Variants in USH2A observed in about 807,000 individuals in gnomAD.
The protein encoded by USH2A is Usher syndrome 2A (autosomal recessive, mild).
In USH2A, 443 loss-of-function variants were observed where a neutral mutation model predicts 538.9. That is an observed-to-expected ratio of 0.82 (90% CI 0.76 to 0.89). The LOEUF (loss-of-function observed/expected upper bound fraction) is 0.89, where lower values mean the gene tolerates loss of function less well. Among genes scored for constraint, USH2A ranks in the 40% least tolerant of loss-of-function variants. USH2A has a pLI of 0.00. For synonymous variants in USH2A, 2,413 were observed against 2,273.5 expected (o/e 1.06, Z -1.75); for missense variants, 6,633 against 6,324.8 (o/e 1.05, Z -1.65).
chr1:216,324,450 C>A, intron 6 of USH2A, 98 bp from the exon 7 acceptor site: 1 of 1,156,034 alleles, frequency 8.7e-7, no homozygotes, highest in Non-Finnish European at 1.2e-6. Context: ...TATTGGCTCA[C>A]TTCATCATAA....
At chr1:215,859,950 C>T (rs1456894045) in intron 44 of USH2A, among the ~76,000 whole-genome samples, 1 of 152,110 alleles carries the variant, frequency 6.6e-6, no homozygotes, top group Non-Finnish European at 1.5e-5. Context: ...TGCATGGGGC[C>T]AGATTCTCAT....
At chr1:215,938,466 G>A (rs1335795140) in intron 37 of USH2A, among the ~76,000 whole-genome samples, 2 of 152,130 alleles carry the variant, frequency 1.3e-5, no homozygotes, top group African/African-American at 4.8e-5. Flanking sequence ...TGTTGAGATG[G>A]TTGTGCTTTG....
At chr1:216,375,121 C>T (rs1286680072) in intron 3 of USH2A, among the ~76,000 whole-genome samples, 1 of 151,992 alleles carries the variant, frequency 6.6e-6, no homozygotes, top group African/African-American at 2.4e-5. Flanking sequence ...AACCATTGAC[C>T]CTTTAACAAT....
At chr1:216,253,878 T>C (rs967117424) in intron 11 of USH2A, among the ~76,000 whole-genome samples, 5 of 152,228 alleles carry the variant, frequency 3.3e-5, no homozygotes, top group Non-Finnish European at 5.9e-5. Context: ...GCACTCCAAT[T>C]ACCTACCATC....
In USH2A at chr1:216,317,335, C is replaced by T. The variant is rs78223007; in HGVS notation, c.1644+4548G>A. ...CGTATTCTCACTTACAAGTGGGATC[C>T]GAATTATGAGAACACATGGACACAT... On this transcript the variant is annotated intron_variant, in intron 9 of 71. Coordinates refer to ENST00000307340, the MANE Select transcript of USH2A (RefSeq NM_206933.4). 1.1e-3 allele frequency among the ~76,000 whole-genome samples: 166 copies of T among 152,086 alleles called. 1 individual carries two copies. Among genetic ancestry groups the T allele is most frequent in the African/African-American group, 3.8e-3 (158 of 41,468 alleles).
intron 3 of USH2A, among the ~76,000 whole-genome samples, chr1:216,396,084 T>C (rs562247952): frequency 3.3e-5 from 5 of 152,194 alleles, no homozygotes; most frequent in African/African-American, 1.2e-4. Flanking sequence ...TGTTATATAA[T>C]GGCATAACAT....
chr1:216,110,593 C>T (rs1368966447), intron 21 of USH2A, among the ~76,000 whole-genome samples: 2 of 152,122 alleles, frequency 1.3e-5, no homozygotes, highest in African/African-American at 4.8e-5. Context: ...GAAACCCATC[C>T]TATAGCAGTA....
At chr1:216,363,696 T>C (rs1040826561) in intron 4 of USH2A, among the ~76,000 whole-genome samples, 10 of 152,030 alleles carry the variant, frequency 6.6e-5, no homozygotes, top group African/African-American at 2.4e-4. Context: ...ATGTTCATTA[T>C]AGGAGCTTAA....
chr1:215,745,594 A>C (rs1438676874), intron 58 of USH2A, among the ~76,000 whole-genome samples: 1 of 152,200 alleles, frequency 6.6e-6, no homozygotes, highest in Admixed American at 6.5e-5. Context: ...GAATGAATGA[A>C]CGAACCCTCA....
At chr1:216,322,073 G>C in intron 8 of USH2A, 97 bp from the exon 9 acceptor site, 1 of 1,191,970 alleles carries the variant, frequency 8.4e-7, no homozygotes, top group South Asian at 1.2e-5. Context: ...AATTTAACAG[G>C]GAAGATTTTT....
At chr1:216,093,325 G>T (rs910780837) in intron 22 of USH2A, among the ~76,000 whole-genome samples, 9 of 152,130 alleles carry the variant, frequency 5.9e-5, no homozygotes, top group African/African-American at 2.2e-4. Flanking sequence ...CTTAGGGTTT[G>T]GCTATACAGG....
chr1:216,260,968 T>C (rs1262220834), intron 11 of USH2A, among the ~76,000 whole-genome samples: 1 of 152,182 alleles, frequency 6.6e-6, no homozygotes, highest in African/African-American at 2.4e-5. Context: ...TTTGAGCTTT[T>C]AACCTCTGCA....
chr1:216,023,907 A>G (rs1668903730), intron 32 of USH2A, among the ~76,000 whole-genome samples: 2 of 152,124 alleles, frequency 1.3e-5, no homozygotes, highest in Admixed American at 1.3e-4. Context: ...AGAGTACAAA[A>G]TGAAAAGCAA....
chr1:216,272,870 A>G lies in USH2A; in HGVS notation c.1971+16410T>C, dbSNP rs182295627. Among the ~76,000 whole-genome samples, 225 of 152,156 alleles carry G rather than the reference A, an allele frequency of 1.5e-3. 2 individuals carry two copies. Among genetic ancestry groups the G allele is most frequent in the Middle Eastern group, 6.8e-3 (2 of 294 alleles). On this transcript the variant is annotated intron_variant, in intron 11 of 71. Transcript: ENST00000307340. The stretch of plus-strand genomic sequence containing the variant: ...GCTTGAGCTTTCAGTTTTTTCATGT[A>G]TTTCATATGTTCAGCTTAAATTAGG...
In USH2A at chr1:216,073,224, A is replaced by G. The variant is rs767488232; in HGVS notation, c.5649T>C (p.Ala1883=). The part of the protein sequence containing the change: ...VVNLASVSSG[A]VRVNLDGCLS... ...GGCATCCATCCAGATTGACTCTGAC[A>G]GCACCGCTGGACACAGATGCCAAGT... The change falls in exon 28 of 72, where the codon GCT becomes GCC. Residue 1883 remains alanine, a synonymous_variant. Transcript: ENST00000307340. The G allele has an allele frequency of 7.4e-6, 12 of 1,613,822 alleles. No individual in the cohort carries two copies. Among genetic ancestry groups the G allele is most frequent in the Non-Finnish European group, 1.0e-5 (12 of 1,179,978 alleles).
chr1:215,756,121 A>G (rs1340105855), intron 58 of USH2A, among the ~76,000 whole-genome samples: 1 of 152,176 alleles, frequency 6.6e-6, no homozygotes, highest in Non-Finnish European at 1.5e-5. Flanking sequence ...TAATATATTT[A>G]TCATATAAAT....
intron 61 of USH2A, among the ~76,000 whole-genome samples, chr1:215,721,815 A>C (rs1471261205): frequency 2.6e-5 from 4 of 152,162 alleles, no homozygotes; most frequent in Admixed American, 1.3e-4. Context: ...TGTAATTCCA[A>C]CACTTTGGGA....
intron 4 of USH2A, among the ~76,000 whole-genome samples, chr1:216,351,321 A>C (rs1465650727): frequency 6.6e-6 from 1 of 152,182 alleles, no homozygotes; most frequent in Non-Finnish European, 1.5e-5. Context: ...GTGATAAGAA[A>C]GATGTATTTA....
intron 62 of USH2A, among the ~76,000 whole-genome samples, chr1:215,679,628 A>G (rs1658157585): frequency 6.6e-6 from 1 of 152,202 alleles, no homozygotes; most frequent in Non-Finnish European, 1.5e-5. Context: ...CGTATACAAC[A>G]TTTATAACAT....
Sources: allele counts gnomAD v4.1 joint callset (sites outside exome capture counted in the v4.1 genomes callset), GRCh38; gene constraint gnomAD v4.1.1; transcripts MANE v1.5; gene names NCBI Gene and HGNC (gene_info 2026-07-23, HGNC 2026-07-21).